Variants in SPIRE1 observed in about 807,000 individuals in gnomAD.
The protein encoded by SPIRE1 is protein spire homolog 1.
SPIRE1 carries 40 observed loss-of-function variants against 94.1 expected under a neutral mutation model. That is an observed-to-expected ratio of 0.43 (90% CI 0.33 to 0.55). SPIRE1 has a LOEUF of 0.55. Ranked by LOEUF, SPIRE1 falls within the 20% of genes least tolerant of loss-of-function variation. The pLI, the probability that SPIRE1 is intolerant of heterozygous loss-of-function variation, is 0.06. For missense variants in SPIRE1, 838 were observed against 975.2 expected (o/e 0.86, Z 1.87); for synonymous variants, 376 against 371.7 (o/e 1.01, Z -0.13).
intron 2 of SPIRE1, among the ~76,000 whole-genome samples, chr18:12,580,498 A>G (rs2036227171): frequency 6.6e-6 from 1 of 151,896 alleles, no homozygotes; most frequent in Admixed American, 6.6e-5. Context: ...TAATTTTTGC[A>G]TTTTCAGTAG....
chr18:12,463,689 A>G (rs2031971419), intron 11 of SPIRE1, among the ~76,000 whole-genome samples, 196 bp from the exon 12 acceptor site: 1 of 152,234 alleles, frequency 6.6e-6, no homozygotes, highest in Admixed American at 6.5e-5. Flanking sequence ...TAAACTTGCT[A>G]CAGAAATAGC....
intron 2 of SPIRE1, among the ~76,000 whole-genome samples, chr18:12,573,658 C>A (rs1386985553): frequency 6.6e-6 from 1 of 152,060 alleles, no homozygotes; most frequent in Non-Finnish European, 1.5e-5. Context: ...TAATGATGGA[C>A]ATGTGTCATC....
intron 2 of SPIRE1, among the ~76,000 whole-genome samples, chr18:12,607,596 TACACACACACACACACACAC>T (rs34187168): frequency 1.4e-5 from 2 of 146,226 alleles, no homozygotes; most frequent in African/African-American, 5.2e-5. Context: ...TCCACAGCAC[TACACACACACACACACACAC>T]ACACACACAC....
chr18:12,619,848 G>GAAAA lies in SPIRE1; in HGVS notation c.372+15210_372+15213dup, dbSNP rs35340668. On this transcript the variant is annotated intron_variant, in intron 2 of 16. Coordinates refer to ENST00000409402, the MANE Select transcript of SPIRE1 (RefSeq NM_001128626.2). ...GCAACAGAGCGAGACTCTGCCTCAG[G>GAAAA]AAAAAAAAAAAAAAAAGCAAGAAAA... Among the ~76,000 whole-genome samples the GAAAA allele has an allele frequency of 1.3e-3, 140 of 110,996 alleles. 2 individuals carry two copies. The highest frequency in any genetic ancestry group is 4.9e-3 in the African/African-American group (127 of 25,940). The allele number at this position is 110,996 out of a possible 152,430, so 72.8% of individuals were successfully genotyped here.
At chr18:12,604,047 C>T (rs1473814770) in intron 2 of SPIRE1, among the ~76,000 whole-genome samples, 1 of 152,134 alleles carries the variant, frequency 6.6e-6, no homozygotes, top group Non-Finnish European at 1.5e-5. Flanking sequence ...GTGCCTTTCC[C>T]ATGCTTCTCT....
intron 3 of SPIRE1, among the ~76,000 whole-genome samples, chr18:12,537,200 A>C (rs1433460231): frequency 2.0e-5 from 3 of 152,250 alleles, no homozygotes; most frequent in African/African-American, 7.2e-5. Context: ...TCACAGAGCC[A>C]CTAGTAAACA....
intron 4 of SPIRE1, among the ~76,000 whole-genome samples, chr18:12,513,829 A>G (rs1407050771): frequency 1.3e-5 from 2 of 151,030 alleles, no homozygotes; most frequent in African/African-American, 4.9e-5. Context: ...GGTCTGAAAT[A>G]TTTATTTTTA....
chr18:12,639,862 T>C (rs1394549251), intron 1 of SPIRE1, among the ~76,000 whole-genome samples: 2 of 151,190 alleles, frequency 1.3e-5, no homozygotes, highest in Non-Finnish European at 3.0e-5. Flanking sequence ...GAGCCAGACA[T>C]TGTCTTTAAA....
intron 2 of SPIRE1, among the ~76,000 whole-genome samples, chr18:12,558,496 C>G (rs2035585332): frequency 6.6e-6 from 1 of 152,192 alleles, no homozygotes; most frequent in Non-Finnish European, 1.5e-5. Flanking sequence ...CCACTGCTGT[C>G]TTGGGCAGCC....
rs574553529 is a variant in SPIRE1, at chr18:12,449,811, C to A, written c.2098G>T (p.Glu700Ter). 1 of 1,614,156 alleles carries A rather than the reference C, an allele frequency of 6.2e-7. No individual in the cohort carries two copies. The highest frequency in any genetic ancestry group is 1.3e-5 in the African/African-American group (1 of 75,040). The stretch of plus-strand genomic sequence containing the variant: ...AACTTCTTGCAGTCCACACACACCT[C>A]CATGGTGCTCCAGTCCTCCATCAAC... Reference protein sequence around the residue: ...KELMEDWSTMEVCVDCKKFIS... With the variant: ...KELMEDWSTM The change falls in exon 17 of 17, where the codon GAG becomes TAG. Residue 700 changes from glutamate to a stop codon, truncating the protein, a stop_gained. Coordinates refer to ENST00000409402, the MANE Select transcript of SPIRE1 (RefSeq NM_001128626.2). LOFTEE classifies it high-confidence loss of function.
chr18:12,621,488 T>C (rs1012264373), intron 2 of SPIRE1, among the ~76,000 whole-genome samples: 1 of 152,188 alleles, frequency 6.6e-6, no homozygotes, highest in Admixed American at 6.6e-5. Context: ...CATCAACTGA[T>C]GAATGGGTAA....
At chr18:12,619,184 CCA>C (rs1205159622) in intron 2 of SPIRE1, among the ~76,000 whole-genome samples, 3 of 152,196 alleles carry the variant, frequency 2.0e-5, no homozygotes, top group Non-Finnish European at 2.9e-5. Flanking sequence ...ACGTGGGCCA[CCA>C]CACCCAGTCC....
At chr18:12,577,538 C>G (rs2036140893) in intron 2 of SPIRE1, among the ~76,000 whole-genome samples, 1 of 152,128 alleles carries the variant, frequency 6.6e-6, no homozygotes, top group Admixed American at 6.5e-5. Flanking sequence ...ATCTGCATGA[C>G]ACTAGTAGTG....
chr18:12,486,841 AATAATTC>A (rs1357656684), intron 8 of SPIRE1, among the ~76,000 whole-genome samples: 2 of 152,130 alleles, frequency 1.3e-5, no homozygotes, highest in Non-Finnish European at 2.9e-5. Context: ...CCCAGAAATA[AATAATTC>A]ATAAGATTTA....
intron 6 of SPIRE1, among the ~76,000 whole-genome samples, chr18:12,497,705 C>G (rs1321497072): frequency 6.6e-6 from 1 of 152,112 alleles, no homozygotes; most frequent in East Asian, 1.9e-4. Context: ...TAACCTGGCA[C>G]CACCCACTAC....
chr18:12,608,251 TATTA>T (rs1192337540), intron 2 of SPIRE1, among the ~76,000 whole-genome samples: 41 of 152,322 alleles, frequency 2.7e-4, no homozygotes, highest in Admixed American at 1.1e-3. Context: ...AGGCTATCAC[TATTA>T]ATTGTTAATA....
intron 10 of SPIRE1, among the ~76,000 whole-genome samples, chr18:12,470,876 T>C (rs1420451396): frequency 6.6e-6 from 1 of 151,906 alleles, no homozygotes; most frequent in African/African-American, 2.4e-5. Context: ...CTCAGAACCA[T>C]GGCTGCAGGA....
chr18:12,591,481 C>T (rs959677769), intron 2 of SPIRE1, among the ~76,000 whole-genome samples: 2 of 152,100 alleles, frequency 1.3e-5, no homozygotes, highest in Non-Finnish European at 2.9e-5. Context: ...CATGACGTTA[C>T]ATGACAAAAA....
chr18:12,470,349 T>C (rs1568190213), intron 10 of SPIRE1, among the ~76,000 whole-genome samples: 1 of 152,208 alleles, frequency 6.6e-6, no homozygotes, highest in African/African-American at 2.4e-5. Context: ...CCAATGCACA[T>C]ACAATATACT....
Sources: allele counts gnomAD v4.1 joint callset (sites outside exome capture counted in the v4.1 genomes callset), GRCh38; gene constraint gnomAD v4.1.1; transcripts MANE v1.5; gene names NCBI Gene and HGNC (gene_info 2026-07-23, HGNC 2026-07-21).